The following RHCE variants were observed in gnomAD, a reference collection of about 807,000 sequenced individuals.
The protein encoded by RHCE is Rh blood group CcEe antigens.
Under a neutral mutation model 43.8 loss-of-function variants are expected in RHCE, and 22 were observed. That is an observed-to-expected ratio of 0.50 (90% CI 0.36 to 0.72). The LOEUF (loss-of-function observed/expected upper bound fraction) is 0.72. Ranked by LOEUF, RHCE falls within the 30% of genes least tolerant of loss-of-function variation. RHCE has a pLI of 0.00. For missense variants in RHCE, 385 were observed against 525.4 expected (o/e 0.73, Z 2.61); for synonymous variants, 156 against 210.7 (o/e 0.74, Z 2.25).
chr1:25,362,687 T>C (rs1376042511), intron 9 of RHCE, 134 bp from the exon 10 acceptor site: 5 of 568,560 alleles, frequency 8.8e-6, no homozygotes. Flanking sequence ...TTGGAAGAGA[T>C]CTTGGATATA....
intron 3 of RHCE, among the ~76,000 whole-genome samples, chr1:25,393,222 A>G (rs566359809): frequency 3.3e-4 from 51 of 152,266 alleles, no homozygotes; most frequent in African/African-American, 1.2e-3. Flanking sequence ...AGCCACCATC[A>G]CCGCTACCCC....
At position 25,362,364 on chromosome 1, in the gene RHCE, T is replaced by G. The variant is rs1645425035; in HGVS notation, c.*163A>C. 1.3e-6 allele frequency: 2 copies of G among 1,505,800 alleles called. No homozygotes were observed. The highest frequency in any genetic ancestry group is 1.8e-6 in the Non-Finnish European group (2 of 1,106,456). 93.3% of individuals were successfully genotyped at this position (1,505,800 alleles called of 1,614,324 possible). A position where few individuals can be genotyped will look rare whatever the true frequency, so the allele number is the denominator to read the frequency against. ...TATTAAATTGACTCTTAAACTAAGT[T>G]TTTAGTCTTTAATTTTTTAATATCA... On this transcript the variant is annotated 3_prime_UTR_variant, in exon 10 of 10. Coordinates refer to ENST00000294413, the MANE Select transcript of RHCE (RefSeq NM_020485.8).
intron 3 of RHCE, among the ~76,000 whole-genome samples, chr1:25,393,606 G>C (rs1031793294): frequency 6.6e-6 from 1 of 150,454 alleles, no homozygotes; most frequent in African/African-American, 2.5e-5. Context: ...CGGCGACAGA[G>C]TGAGACTGCG....
chr1:25,388,214 T>C (rs1160351413), intron 6 of RHCE, among the ~76,000 whole-genome samples: 2 of 139,498 alleles, frequency 1.4e-5, no homozygotes, highest in East Asian at 4.0e-4. Context: ...TTCAAACCCA[T>C]GAAGATTTGT....
chr1:25,422,152 T>A (rs1030500571), upstream of RHCE, among the ~76,000 whole-genome samples: 18 of 152,222 alleles, frequency 1.2e-4, no homozygotes, highest in African/African-American at 4.3e-4. Context: ...CATCGGTCAC[T>A]TCTTGCTCAG....
chr1:25,384,088 T>C (rs1277025624), intron 7 of RHCE, among the ~76,000 whole-genome samples: 1 of 150,490 alleles, frequency 6.6e-6, no homozygotes, highest in Non-Finnish European at 1.5e-5. Context: ...ACTGGGTAGG[T>C]CTGGGGTGGG....
At chr1:25,388,916 G>C in intron 6 of RHCE, 60 bp downstream of exon 6, 1 of 1,613,744 alleles carries the variant, frequency 6.2e-7, no homozygotes, top group Non-Finnish European at 8.5e-7. Context: ...GGCCCATCAG[G>C]TCCCAGCGTC....
chr1:25,411,771 A>C (rs1399084011), intron 1 of RHCE, among the ~76,000 whole-genome samples: 1 of 152,134 alleles, frequency 6.6e-6, no homozygotes. Flanking sequence ...CAAGCAGGAA[A>C]TATGTATATG....
intron 4 of RHCE, among the ~76,000 whole-genome samples, chr1:25,391,485 C>A (rs114993902): frequency 0.044 from 6,606 of 150,746 alleles, 446 homozygotes; most frequent in African/African-American, 0.15. Flanking sequence ...CCACGCCTGG[C>A]CCAAACGCTT....
chr1:25,386,820 T>TCAA (rs1199191866), intron 6 of RHCE, among the ~76,000 whole-genome samples: 832 of 145,134 alleles, frequency 5.7e-3, no homozygotes, highest in African/African-American at 0.021. Flanking sequence ...AGACACCGTC[T>TCAA]CAACAACAAC....
intron 1 of RHCE, among the ~76,000 whole-genome samples, chr1:25,418,416 T>C (rs1450445166): frequency 6.6e-6 from 1 of 151,612 alleles, no homozygotes; most frequent in Non-Finnish European, 1.5e-5. Context: ...GGCTGGAGTG[T>C]AATGGCCTCC....
At chr1:25,401,855 TATCA>T (rs901157996) in intron 3 of RHCE, among the ~76,000 whole-genome samples, 1 of 151,778 alleles carries the variant, frequency 6.6e-6, no homozygotes, top group Admixed American at 6.6e-5. Context: ...TCTATCTATC[TATCA>T]ATCTTTTCTT....
At chr1:25,405,083 C>T (rs1646874439) in intron 2 of RHCE, among the ~76,000 whole-genome samples, 1 of 150,684 alleles carries the variant, frequency 6.6e-6, no homozygotes, top group African/African-American at 2.5e-5. Flanking sequence ...CCTGTGGTCT[C>T]AGCTACTCAG....
intron 1 of RHCE, among the ~76,000 whole-genome samples, chr1:25,416,680 A>G (rs193099721): frequency 2.0e-5 from 3 of 152,008 alleles, no homozygotes; most frequent in African/African-American, 7.2e-5. Flanking sequence ...GAAGTGGTAC[A>G]ATCCCGTCCC....
At chr1:25,381,442 A>ATTCTTT (rs1449550390) in intron 7 of RHCE, among the ~76,000 whole-genome samples, 1 of 145,540 alleles carries the variant, frequency 6.9e-6, no homozygotes, top group South Asian at 2.1e-4. Flanking sequence ...TTAATGCTCC[A>ATTCTTT]TTCTTTTTCT....
upstream of RHCE, among the ~76,000 whole-genome samples, chr1:25,421,378 T>C (rs1442687934): frequency 1.3e-5 from 2 of 152,184 alleles, no homozygotes; most frequent in African/African-American, 4.8e-5. Flanking sequence ...TTACTTACAT[T>C]TGAACTTGTA....
At chr1:25,400,462 C>T (rs1254774179) in intron 3 of RHCE, among the ~76,000 whole-genome samples, 1 of 151,180 alleles carries the variant, frequency 6.6e-6, no homozygotes, top group Non-Finnish European at 1.5e-5. Flanking sequence ...ATTCTGTCTC[C>T]TTTGCTGGCT....
chr1:25,406,854 T>C (rs1646938572), intron 2 of RHCE, among the ~76,000 whole-genome samples: 1 of 117,338 alleles, frequency 8.5e-6, no homozygotes, highest in Non-Finnish European at 1.9e-5. Flanking sequence ...CTCCATCTCC[T>C]GACCTCATGA....
Position 25,368,734 on chromosome 1 carries a change from T to G in RHCE, c.1227+1733A>C, listed in dbSNP as rs548371755. ...GTGTGGTGTTTCTCTGTAACTCACT[T>G]GGTTACAACACTTTAAATATGTACA... is the stretch of plus-strand genomic sequence containing the variant. On this transcript the variant is annotated intron_variant, in intron 9 of 9. Transcript: ENST00000294413. Among the ~76,000 whole-genome samples, 410 of 149,232 alleles carry G rather than the reference T, an allele frequency of 2.7e-3. 3 individuals carry two copies. The highest frequency in any genetic ancestry group is 3.2e-3 in the Non-Finnish European group (217 of 67,614).
Sources: gnomAD v4.1 joint callset for allele counts (sites outside exome capture counted in the v4.1 genomes callset) on GRCh38, gnomAD v4.1.1 for gene constraint, MANE v1.5 for transcripts, NCBI Gene and HGNC (gene_info 2026-07-23, HGNC 2026-07-21) for gene names.